The following SYT6 variants were observed in gnomAD, a reference collection of about 807,000 sequenced individuals.
The protein encoded by SYT6 is synaptotagmin 6.
A neutral mutation model predicts 38.4 loss-of-function variants in SYT6; 24 were observed. The observed-to-expected ratio is 0.62, with a 90% CI of 0.45 to 0.88. SYT6 has a LOEUF of 0.88. Among genes scored for constraint, SYT6 ranks in the 40% least tolerant of loss-of-function variants. The pLI is 0.00. For missense variants in SYT6, 611 were observed against 621.0 expected, an observed-to-expected ratio of 0.98 and a Z score of 0.17; for synonymous variants, 265 against 241.9, an observed-to-expected ratio of 1.10 and a Z score of -0.89.
chr1:114,095,421 C>T (rs1196068631), intron 6 of SYT6, among the ~76,000 whole-genome samples: 1 of 152,186 alleles, frequency 6.6e-6, no homozygotes, highest in Admixed American at 6.5e-5. Context: ...GTACTCAACA[C>T]CCCACCCCCA....
chr1:114,153,286 C>G (rs936144209), intron 1 of SYT6, among the ~76,000 whole-genome samples: 1 of 152,230 alleles, frequency 6.6e-6, no homozygotes, highest in Non-Finnish European at 1.5e-5. Flanking sequence ...GCAAATCGCC[C>G]GCAGAGCGAG....
rs374287808 is a variant in SYT6 at position 114,137,922 on chromosome 1, T to C, written c.644A>G (p.Lys215Arg). Reference protein sequence around the residue: ...GRIKPELYKQKSVDGEDAKSE... With the variant: ...GRIKPELYKQRSVDGEDAKSE... ...CTTGGCATCCTCCCCATCCACCGAC[T>C]TCTGCTTGTAGAGCTCAGGCTTGAT... Residue 215 changes from lysine (K) to arginine (R), a missense_variant, in exon 3 of 8, where the codon AAG (lysine) becomes AGG (arginine). Physicochemically the swap from Lys to Arg is conservative, Grantham distance 26 (BLOSUM62 2). Transcript: ENST00000610222. 5.0e-6 allele frequency: 8 copies of C among 1,613,902 alleles called. No individual in the cohort carries two copies. The African/African-American group carries it at 1.1e-4, about 22-fold the overall frequency.
chr1:114,151,285 TG>T lies in SYT6; in HGVS notation c.163+2324del, dbSNP rs1679425925. On this transcript the variant is annotated intron_variant, in intron 1 of 7. Coordinates refer to ENST00000610222, the MANE Select transcript of SYT6 (RefSeq NM_001253772.2). ...CCATATCCCTTTCAGCCTCTCAGCT[TG>T]GACCCTGGGCTTCCTGGGACTTGTG... Among the ~76,000 whole-genome samples, 3 of 152,274 alleles carry T rather than the reference TG, an allele frequency of 2.0e-5. No individual in the cohort carries two copies. In the South Asian group the frequency reaches 6.2e-4, roughly 32 times the overall value.
Position 114,114,671 on chromosome 1 carries a change from A to G in SYT6, c.1072-10950T>C, listed in dbSNP as rs556840460. Among the ~76,000 whole-genome samples, 174 of 152,328 alleles carry G rather than the reference A, an allele frequency of 1.1e-3. 1 individual carries two copies. Among genetic ancestry groups the G allele is most frequent in the African/African-American group, 4.1e-3 (170 of 41,566 alleles). ...GAGGCGGGGCCTGGATGTTTGCATT[A>G]TTGACAGGCTTCCCAGATGAGTGTT... is the stretch of plus-strand genomic sequence containing the variant. On this transcript the variant is annotated intron_variant, in intron 3 of 7. Transcript: ENST00000610222.
At chr1:114,103,926 A>G (rs1422501353) in intron 3 of SYT6, among the ~76,000 whole-genome samples, 5 of 152,286 alleles carry the variant, frequency 3.3e-5, no homozygotes, top group South Asian at 2.1e-4. Context: ...CTTCAGTACA[A>G]TTTGCCCCTT....
intron 3 of SYT6, among the ~76,000 whole-genome samples, chr1:114,115,765 G>T (rs574071354): frequency 1.3e-5 from 2 of 152,026 alleles, no homozygotes; most frequent in Non-Finnish European, 2.9e-5. Context: ...TGGGAGGAGC[G>T]CATAATCATC....
rs917752175 is a variant in SYT6, at chr1:114,141,750, C to T, written c.164-1787G>A. ...TTCAAAATTTCAAAGGACAGGCTGA[C>T]TCTCTTTTTAGGGGCTAACACAGCT... On this transcript the variant is annotated intron_variant, in intron 1 of 7. Coordinates refer to ENST00000610222, the MANE Select transcript of SYT6 (RefSeq NM_001253772.2). Among the ~76,000 whole-genome samples, 26 of 152,202 alleles carry T rather than the reference C, an allele frequency of 1.7e-4. 1 individual carries two copies. The highest frequency in any genetic ancestry group is 1.3e-4 in the Non-Finnish European group (9 of 68,038).
intron 3 of SYT6, among the ~76,000 whole-genome samples, chr1:114,106,844 C>T (rs547847075): frequency 7.9e-5 from 12 of 152,302 alleles, no homozygotes; most frequent in African/African-American, 2.9e-4. Flanking sequence ...CAGCTGTGCC[C>T]CCCAGCATCT....
At chr1:114,146,564 G>A (rs1022373275) in intron 1 of SYT6, among the ~76,000 whole-genome samples, 1 of 152,222 alleles carries the variant, frequency 6.6e-6, no homozygotes, top group African/African-American at 2.4e-5. Context: ...CAGTTTCTGA[G>A]TCCTGATCCA....
chr1:114,115,767 A>G (rs1170663708), intron 3 of SYT6, among the ~76,000 whole-genome samples: 1 of 152,160 alleles, frequency 6.6e-6, no homozygotes, highest in Non-Finnish European at 1.5e-5. Flanking sequence ...GGAGGAGCGC[A>G]TAATCATCTC....
At chr1:114,135,064 G>A (rs1678394258) in intron 3 of SYT6, among the ~76,000 whole-genome samples, 1 of 152,104 alleles carries the variant, frequency 6.6e-6, no homozygotes, top group Non-Finnish European at 1.5e-5. Flanking sequence ...TGGTGGGGCT[G>A]TGGGTTGGAG....
intron 4 of SYT6, among the ~76,000 whole-genome samples, chr1:114,102,249 A>G (rs1208604053): frequency 6.6e-6 from 1 of 152,174 alleles, no homozygotes; most frequent in Non-Finnish European, 1.5e-5. Context: ...CATTGGCTGT[A>G]TTTTAGGGGA....
chr1:114,115,536 C>T (rs1286211774), intron 3 of SYT6, among the ~76,000 whole-genome samples: 1 of 151,922 alleles, frequency 6.6e-6, no homozygotes, highest in Admixed American at 6.6e-5. Flanking sequence ...CCTGCCTCAG[C>T]CTCCCGAGTA....
At position 114,139,963 on chromosome 1, in the gene SYT6, C is replaced by T. The variant is rs1194973245; in HGVS notation, c.164G>A (p.Gly55Asp). ...AACTGCGAGGAGGCTGACAGAGGTGCCTGCCCTCGGCATGAGCCAGGCAGG... is the reference window on the plus strand; with the variant it reads ...AACTGCGAGGAGGCTGACAGAGGTGTCTGCCCTCGGCATGAGCCAGGCAGG... ...PERSPSAAGA[G>D]TSVSLLAVVV... The change falls in exon 2 of 8, where the codon GGC becomes GAC. Residue 55 changes from glycine to aspartate, a missense_variant and splice_region_variant. Transcript: ENST00000610222. 3 of 1,492,214 alleles carry T rather than the reference C, an allele frequency of 2.0e-6. No individual in the cohort carries two copies. The highest frequency in any genetic ancestry group is 2.7e-6 in the Non-Finnish European group (3 of 1,122,198). The allele number at this position is 1,492,214 out of a possible 1,614,324, so 92.4% of individuals were successfully genotyped here.
At chr1:114,152,845 G>A (rs955326126) in intron 1 of SYT6, 8 of 152,244 alleles carry the variant, frequency 5.3e-5, no homozygotes, top group Admixed American at 4.6e-4. Flanking sequence ...CGCAGGGTCA[G>A]CGCGGATCGG....
intron 6 of SYT6, among the ~76,000 whole-genome samples, chr1:114,094,911 G>A (rs531009406): frequency 1.8e-4 from 27 of 152,344 alleles, no homozygotes; most frequent in African/African-American, 5.8e-4. Flanking sequence ...ACAATGCATC[G>A]CGTGGACACA....
chr1:114,139,984 G>T, intron 1 of SYT6, 21 bp from the exon 2 acceptor site: 1 of 1,429,218 alleles, frequency 7.0e-7, no homozygotes, highest in Non-Finnish European at 9.3e-7. Context: ...CATGAGCCAG[G>T]CAGGGAGGGA....
intron 3 of SYT6, among the ~76,000 whole-genome samples, chr1:114,104,843 A>AT (rs1676189732): frequency 6.6e-6 from 1 of 152,248 alleles, no homozygotes; most frequent in South Asian, 2.1e-4. Context: ...TCCACCTTTT[A>AT]TTTTAGGTTC....
chr1:114,141,239 T>C (rs1402055361), intron 1 of SYT6, among the ~76,000 whole-genome samples: 1 of 152,202 alleles, frequency 6.6e-6, no homozygotes, highest in African/African-American at 2.4e-5. Flanking sequence ...CACAGCCAAG[T>C]TGTGAATGCA....
Sources: gnomAD v4.1 joint callset for allele counts (sites outside exome capture counted in the v4.1 genomes callset) on GRCh38, gnomAD v4.1.1 for gene constraint, MANE v1.5 for transcripts, NCBI Gene and HGNC (gene_info 2026-07-23, HGNC 2026-07-21) for gene names.